Variants in ZNF7 observed in about 807,000 individuals in gnomAD.
ZNF7 encodes the protein C2-H2 type zinc finger protein.
Under a neutral mutation model 12.0 loss-of-function variants are expected in ZNF7, and 10 were observed. The observed-to-expected ratio is 0.83, with a 90% confidence interval of 0.51 to 1.42. ZNF7 has a LOEUF of 1.42. Ranked by LOEUF, ZNF7 falls within the 40% of genes most tolerant of loss-of-function variation. ZNF7 has a pLI of 0.00. For missense variants in ZNF7, 854 were observed against 837.2 expected (o/e 1.02, Z -0.25); for synonymous variants, 334 against 295.0 (o/e 1.13, Z -1.35).
Position 144,829,624 on chromosome 8 carries a change from C to T in ZNF7, c.130+20C>T, listed in dbSNP as rs1372905769. The T allele has an allele frequency of 1.3e-6, 2 of 1,590,050 alleles. No homozygotes were observed. The highest frequency in any genetic ancestry group is 1.3e-5 in the African/African-American group (1 of 74,438). On this transcript the variant is annotated intron_variant, in intron 3 of 4. Transcript: ENST00000532777. ...GACTAGGTGAGGCTGCACCTTGGGG[C>T]CCCTTCCCCTGCATCATCAGTCAGC...
At chr8:144,840,646 C>T (rs1618523) in intron 4 of ZNF7, among the ~76,000 whole-genome samples, 53,866 of 151,814 alleles carry the variant, frequency 0.35, 9,657 homozygotes, top group South Asian at 0.46. Context: ...CCAGAAGGAA[C>T]GCAGATGTCT....
downstream of ZNF7, chr8:144,846,891 G>C (rs1322692665): frequency 6.6e-6 from 1 of 152,136 alleles, no homozygotes; most frequent in African/African-American, 2.4e-5. Flanking sequence ...AATAGAGACG[G>C]GGTTTCACTG....
chr8:144,830,687 C>CT (rs1356611582), intron 3 of ZNF7, among the ~76,000 whole-genome samples: 1 of 150,686 alleles, frequency 6.6e-6, no homozygotes, highest in Admixed American at 6.6e-5. Flanking sequence ...GTGGTTTACC[C>CT]TGTCTCACTG....
Position 144,829,095 on chromosome 8 carries a change from G to GA in ZNF7, c.3+7dup. 6.2e-7 allele frequency: 1 copy of GA among 1,614,030 alleles called. No individual in the cohort carries two copies. The highest frequency in any genetic ancestry group is 8.5e-7 in the Non-Finnish European group (1 of 1,179,966). ...CACCCACCACTGAGCCTCATGGTAG[G>GA]AAGCTTGACTGCCTCCTTCCCCTCG... On this transcript the variant is annotated splice_donor_region_variant and intron_variant, in intron 2 of 4. Coordinates refer to ENST00000532777, the MANE Select transcript of ZNF7 (RefSeq NM_003416.4).
At position 144,842,054 on chromosome 8, in the gene ZNF7, G is replaced by A; in HGVS notation, c.947G>A (p.Gly316Asp). 6.2e-7 allele frequency: 1 copy of A among 1,614,122 alleles called. No individual in the cohort carries two copies. Among genetic ancestry groups the A allele is most frequent in the East Asian group, 2.2e-5 (1 of 44,882 alleles). Residue 316 changes from glycine to aspartate, a missense_variant, in exon 5 of 5, where the codon GGT becomes GAT. Transcript: ENST00000532777. ...TGTGAGGAATGTGGAAAAGCTTTTG[G>A]TCAGAGCTCAAGCCTCATCCACCAT... ...YRCEECGKAF[G>D]QSSSLIHHQR... is the part of the protein sequence containing the mutation.
rs748666726 is a variant in ZNF7 at position 144,842,007 on chromosome 8, C to T, written c.900C>T (p.His300=). ...SSKLIQHQRI[H]TGEKPYRCEE... is the part of the protein sequence containing the mutation. Reference sequence around the variant, plus strand: ...AACTTATTCAGCATCAAAGAATCCACACTGGGGAGAAGCCCTACAGATGTG... The same window carrying T: ...AACTTATTCAGCATCAAAGAATCCATACTGGGGAGAAGCCCTACAGATGTG... The change falls in exon 5 of 5, where the codon CAC becomes CAT. Residue 300 remains histidine, a synonymous_variant. Coordinates refer to ENST00000532777, the MANE Select transcript of ZNF7 (RefSeq NM_003416.4). The T allele has an allele frequency of 2.5e-5, 40 of 1,614,108 alleles. No individual in the cohort carries two copies. In the African/African-American group the frequency reaches 3.9e-4, roughly 16 times the overall value.
chr8:144,830,680 G>A (rs1299471806), intron 3 of ZNF7, among the ~76,000 whole-genome samples: 2 of 150,362 alleles, frequency 1.3e-5, no homozygotes, highest in Non-Finnish European at 2.9e-5. Context: ...TTTAGATGTG[G>A]TTTACCCTGT....
At chr8:144,827,896 G>C (rs994464771) in intron 1 of ZNF7, 5 of 161,788 alleles carry the variant, frequency 3.1e-5, no homozygotes, top group South Asian at 4.0e-4. Context: ...AGTAAGGCGA[G>C]CTCCAGCTGC....
intron 4 of ZNF7, among the ~76,000 whole-genome samples, chr8:144,840,504 A>G (rs551858564): frequency 6.6e-6 from 1 of 152,310 alleles, no homozygotes; most frequent in Non-Finnish European, 1.5e-5. Context: ...CGTGGTTGTC[A>G]TGATCATAGC....
rs1383829622 is a variant in ZNF7 at position 144,843,147 on chromosome 8, T to A, written c.2040T>A (p.His680Gln). ...AFNRSSRLTQ[H>Q]QKIHMG ...ATCGTAGCTCAAGGCTTACCCAGCATCAAAAAATTCACATGGGATAGACCA... is the reference window on the plus strand; with the variant it reads ...ATCGTAGCTCAAGGCTTACCCAGCAACAAAAAATTCACATGGGATAGACCA... Residue 680 changes from histidine to glutamine, a missense_variant, in exon 5 of 5, where the codon CAT becomes CAA. Coordinates refer to ENST00000532777, the MANE Select transcript of ZNF7 (RefSeq NM_003416.4). The A allele has an allele frequency of 6.3e-7, 1 of 1,591,358 alleles. No individual in the cohort carries two copies. Among genetic ancestry groups the A allele is most frequent in the Non-Finnish European group, 8.5e-7 (1 of 1,171,202 alleles).
At chr8:144,844,525 ACAG>A (rs1399517907), downstream of ZNF7, among the ~76,000 whole-genome samples, 2 of 152,006 alleles carry the variant, frequency 1.3e-5, no homozygotes, top group Non-Finnish European at 2.9e-5. Context: ...CCTGGCTAAC[ACAG>A]TGAAACCCCG....
intron 2 of ZNF7, 56 bp downstream of exon 2, chr8:144,829,146 G>C: frequency 6.2e-7 from 1 of 1,611,346 alleles, no homozygotes; most frequent in South Asian, 1.1e-5. Flanking sequence ...CCCACCTCCT[G>C]CTCTGCCCAC....
At position 144,842,855 on chromosome 8, in the gene ZNF7, G is replaced by C; in HGVS notation, c.1748G>C (p.Cys583Ser). The change falls in exon 5 of 5, where the codon TGC (cysteine) becomes TCC (serine). Residue 583 changes from cysteine (C) to serine (S), a missense_variant. Cys to Ser is a moderately radical substitution (Grantham distance 112). Transcript: ENST00000532777. ...CATGCAGGGGTGAAGCCCTATGAGT[G>C]CAGTGAGTGTGGAAAAGCCTTCAGC... ...IIHAGVKPYE[C>S]SECGKAFSRS... The C allele has an allele frequency of 6.2e-7, 1 of 1,614,236 alleles. No individual in the cohort carries two copies. Among genetic ancestry groups the C allele is most frequent in the East Asian group, 2.2e-5 (1 of 44,888 alleles).
intron 4 of ZNF7, 76 bp downstream of exon 4, chr8:144,837,583 G>A: frequency 8.5e-7 from 1 of 1,175,156 alleles, no homozygotes; most frequent in Non-Finnish European, 1.2e-6. Context: ...ACTGTGGGTA[G>A]CTGTGGGTGA....
chr8:144,837,949 C>A (rs1586814422), intron 4 of ZNF7: 3 of 645,460 alleles, frequency 4.6e-6, no homozygotes, highest in East Asian at 2.7e-5. Context: ...CCTGTGGCTG[C>A]CATAACAATG....
chr8:144,847,294 T>G (rs1472417654), downstream of ZNF7: 1 of 152,244 alleles, frequency 6.6e-6, no homozygotes. Context: ...CTAAAGAGTT[T>G]CCAGGCCAGG....
At chr8:144,834,679 ATTGTAT>A (rs932882992) in intron 3 of ZNF7, 1 of 150,160 alleles carries the variant, frequency 6.7e-6, no homozygotes, top group African/African-American at 2.4e-5. Context: ...ACTAGCCAAT[ATTGTAT>A]TTTTGTGTTT....
Position 144,843,328 on chromosome 8 carries a change from G to C in ZNF7, c.*160G>C. ...CTTCAGGCCGAGTGTGGTGGCTTAT[G>C]CCTGTCATCCCAGCACTTTGGGAGG... On this transcript the variant is annotated 3_prime_UTR_variant, in exon 5 of 5. Coordinates refer to ENST00000532777, the MANE Select transcript of ZNF7 (RefSeq NM_003416.4). 2.3e-6 allele frequency: 2 copies of C among 872,020 alleles called. No individual in the cohort carries two copies. Among genetic ancestry groups the C allele is most frequent in the South Asian group, 4.2e-5 (2 of 47,600 alleles). 54.0% of individuals were successfully genotyped at this position (872,020 alleles called of 1,614,324 possible). A position where few individuals can be genotyped will look rare whatever the true frequency, so the allele number is the denominator to read the frequency against.
At position 144,838,362 on chromosome 8, in the gene ZNF7, G is replaced by A. The variant is rs1829334554; in HGVS notation, c.247+855G>A. 11 of 556,756 alleles carry A rather than the reference G, an allele frequency of 2.0e-5. No homozygotes were observed. The Admixed American group carries it at 3.1e-4, about 16-fold the overall frequency. The allele number at this position is 556,756 out of a possible 1,614,324, so 34.5% of individuals were successfully genotyped here. ...AAGTTAGGACTTCAGCCTATCTTGG[G>A]GTCCTCAGCCCTAACCAGGGCACCC... On this transcript the variant is annotated intron_variant, in intron 4 of 4. Transcript: ENST00000532777.
Sources: gnomAD v4.1 joint callset for allele counts (sites outside exome capture counted in the v4.1 genomes callset) on GRCh38, gnomAD v4.1.1 for gene constraint, MANE v1.5 for transcripts, NCBI Gene and HGNC (gene_info 2026-07-23, HGNC 2026-07-21) for gene names.